FBXL15: variants seen among roughly 807,000 people sequenced by gnomAD.
FBXL15 encodes the protein F-box/LRR-repeat protein 15.
FBXL15 carries 19 observed loss-of-function variants against 23.6 expected under a neutral mutation model. The observed-to-expected ratio is 0.81, with a 90% CI of 0.56 to 1.18. The LOEUF is 1.18. Among genes scored for constraint, FBXL15 ranks in the 50% most tolerant of loss-of-function variants. The pLI, the probability that FBXL15 is intolerant of heterozygous loss-of-function variation, is 0.00. For synonymous variants in FBXL15, 224 were observed against 207.7 expected, an observed-to-expected ratio of 1.08 and a Z score of -0.67; for missense variants, 385 against 425.4, an observed-to-expected ratio of 0.91 and a Z score of 0.83.
rs751176141 is a variant in FBXL15 at position 102,421,990 on chromosome 10, G to A, written c.411G>A (p.Glu137=). The change falls in exon 3 of 4, where the codon GAG becomes GAA. Residue 137 remains glutamate (E), a synonymous_variant. Coordinates refer to ENST00000369956, the MANE Select transcript of FBXL15 (RefSeq NM_024326.4). ...LSRRALGALA[E]GCPRLQRLSL... ...GCCGGGCGCTTGGGGCTTTGGCCGAGGGCTGCCCACGCCTGCAGCGCCTGT... is the reference window on the plus strand; with the variant it reads ...GCCGGGCGCTTGGGGCTTTGGCCGAAGGCTGCCCACGCCTGCAGCGCCTGT... 1.9e-6 allele frequency: 3 copies of A among 1,595,588 alleles called. No individual in the cohort carries two copies. The highest frequency in any genetic ancestry group is 2.2e-5 in the South Asian group (2 of 90,126).
rs564247788 is a variant in FBXL15 at position 102,421,126 on chromosome 10, GCCGATGGAGCCA to G, written c.9_20del (p.ProMetGluPro4_?7). 121 of 1,608,746 alleles carry G rather than the reference GCCGATGGAGCCA, an allele frequency of 7.5e-5. No individual in the cohort carries two copies. Among genetic ancestry groups the G allele is most frequent in the Non-Finnish European group, 8.8e-5 (104 of 1,177,696 alleles). On this transcript the variant is annotated start_lost and 5_prime_UTR_variant, in exon 1 of 4. Coordinates refer to ENST00000369956, the MANE Select transcript of FBXL15 (RefSeq NM_024326.4). ...TCTTACTGCGCACGCGCAATAGACAGCCGATGGAGCCACCGATGGAGCCGTCCGGAGGGGAGC... is the reference window on the plus strand; with the variant it reads ...TCTTACTGCGCACGCGCAATAGACAGCCGATGGAGCCGTCCGGAGGGGAGC...
chr10:102,421,110 G>C lies in FBXL15; in HGVS notation c.-20G>C. ...GGCCAAAGCGAGAAAATCTTACTGCGCACGCGCAATAGACAGCCGATGGAG... is the reference window on the plus strand; with the variant it reads ...GGCCAAAGCGAGAAAATCTTACTGCCCACGCGCAATAGACAGCCGATGGAG... On this transcript the variant is annotated 5_prime_UTR_variant, in exon 1 of 4. Coordinates refer to ENST00000369956, the MANE Select transcript of FBXL15 (RefSeq NM_024326.4). The C allele has an allele frequency of 1.2e-6, 2 of 1,602,534 alleles. No individual in the cohort carries two copies. Among genetic ancestry groups the C allele is most frequent in the Non-Finnish European group, 1.7e-6 (2 of 1,174,372 alleles).
At position 102,421,971 on chromosome 10, in the gene FBXL15, C is replaced by T. The variant is rs761289044; in HGVS notation, c.392C>T (p.Ala131Val). 3.5e-5 allele frequency: 56 copies of T among 1,597,780 alleles called. No homozygotes were observed. The South Asian group carries it at 5.5e-4, about 16-fold the overall frequency. ...LGGCGQLSRR[A>V]LGALAEGCPR... ...GGCTGCGGGCAACTGAGTCGCCGGG[C>T]GCTTGGGGCTTTGGCCGAGGGCTGC... The change falls in exon 3 of 4, where the codon GCG becomes GTG. Residue 131 changes from alanine to valine, a missense_variant. By Grantham distance (64) the Ala-to-Val change is moderately conservative. Transcript: ENST00000369956.
Position 102,421,455 on chromosome 10 carries a change from G to A in FBXL15, c.155G>A (p.Arg52Gln). ...LRLQRVSRAF[R>Q]SLVQLHLAGL... ...CTGCAGCGCGTTAGCCGGGCCTTCC[G>A]GTCGCTGGTGCAGCTTCACCTGGCC... is the stretch of plus-strand genomic sequence containing the variant. Residue 52 changes from arginine (R) to glutamine (Q), a missense_variant, in exon 2 of 4, where the codon CGG (arginine) becomes CAG (glutamine). This residue lies in a region of FBXL15 where 130 missense variants were observed against 95.1 expected (regional missense o/e 1.37). Coordinates refer to ENST00000369956, the MANE Select transcript of FBXL15 (RefSeq NM_024326.4). The A allele has an allele frequency of 6.5e-7, 1 of 1,531,578 alleles. No homozygotes were observed. Among genetic ancestry groups the A allele is most frequent in the South Asian group, 1.2e-5 (1 of 83,156 alleles). The allele number at this position is 1,531,578 out of a possible 1,614,324, so 94.9% of individuals were successfully genotyped here. A position where few individuals can be genotyped will look rare whatever the true frequency, so the allele number is the denominator to read the frequency against.
rs1336280683 is a variant in FBXL15, at chr10:102,422,110, C to T, written c.531C>T (p.Arg177=). ...AGGAGCTGGATCTCACCGCCTGCCG[C>T]CAGCTCAAGGACGAGGCCATCGTGT... ...ALEELDLTAC[R]QLKDEAIVYL... The change falls in exon 3 of 4, where the codon CGC becomes CGT. Residue 177 remains arginine, a synonymous_variant. Transcript: ENST00000369956. 6.4e-7 allele frequency: 1 copy of T among 1,564,292 alleles called. No individual in the cohort carries two copies. Among genetic ancestry groups the T allele is most frequent in the South Asian group, 1.2e-5 (1 of 85,844 alleles).
Position 102,422,017 on chromosome 10 carries a change from G to C in FBXL15, c.438G>C (p.Ser146=), listed in dbSNP as rs780028891. 9.4e-6 allele frequency: 15 copies of C among 1,595,240 alleles called. 1 individual carries two copies. In the South Asian group the frequency reaches 1.7e-4, roughly 18 times the overall value. ...AEGCPRLQRL[S]LAHCDWVDGL... is the part of the protein sequence containing the mutation. ...GCTGCCCACGCCTGCAGCGCCTGTC[G>C]CTCGCGCACTGTGACTGGGTGGACG... Residue 146 remains serine (S), a synonymous_variant, in exon 3 of 4, where the codon TCG becomes TCC. Coordinates refer to ENST00000369956, the MANE Select transcript of FBXL15 (RefSeq NM_024326.4).
Position 102,420,911 on chromosome 10 carries a change from C to T in FBXL15, c.-219C>T. 7.0e-7 allele frequency: 1 copy of T among 1,428,208 alleles called. No homozygotes were observed. Among genetic ancestry groups the T allele is most frequent in the Non-Finnish European group, 9.2e-7 (1 of 1,090,348 alleles). The allele number at this position is 1,428,208 out of a possible 1,614,324, so 88.5% of individuals were successfully genotyped here. On this transcript the variant is annotated 5_prime_UTR_variant, in exon 1 of 4. Coordinates refer to ENST00000369956, the MANE Select transcript of FBXL15 (RefSeq NM_024326.4). ...GCCCACCGCATTCTCCAGCTTCAGGCCTCAAGCCCTGTAGCCGAGAAGGCG... is the reference window on the plus strand; with the variant it reads ...GCCCACCGCATTCTCCAGCTTCAGGTCTCAAGCCCTGTAGCCGAGAAGGCG...
chr10:102,420,846 G>A lies in FBXL15; in HGVS notation c.-284G>A. On this transcript the variant is annotated 5_prime_UTR_variant, in exon 1 of 4. Transcript: ENST00000369956. ...TCCCACCACCACTTCGCTCAGAGGC[G>A]GCTACTGGCTCAAGAGGACGACAGA... is the stretch of plus-strand genomic sequence containing the variant. 2.3e-6 allele frequency: 3 copies of A among 1,317,952 alleles called. No homozygotes were observed. Among genetic ancestry groups the A allele is most frequent in the Non-Finnish European group, 1.9e-6 (2 of 1,029,712 alleles). The allele number at this position is 1,317,952 out of a possible 1,614,324, so 81.6% of individuals were successfully genotyped here. A position where few individuals can be genotyped will look rare whatever the true frequency, so the allele number is the denominator to read the frequency against.
Position 102,421,127 on chromosome 10 carries a change from C to A in FBXL15, c.-3C>A. The stretch of plus-strand genomic sequence containing the variant: ...CTTACTGCGCACGCGCAATAGACAG[C>A]CGATGGAGCCACCGATGGAGCCGTC... On this transcript the variant is annotated 5_prime_UTR_variant, in exon 1 of 4. Coordinates refer to ENST00000369956, the MANE Select transcript of FBXL15 (RefSeq NM_024326.4). 1 of 1,608,526 alleles carries A rather than the reference C, an allele frequency of 6.2e-7. No homozygotes were observed. Among genetic ancestry groups the A allele is most frequent in the Non-Finnish European group, 8.5e-7 (1 of 1,177,452 alleles).
chr10:102,421,485 T>A lies in FBXL15; in HGVS notation c.185T>A (p.Leu62Gln). Residue 62 changes from leucine to glutamine, a missense_variant, in exon 2 of 4, where the codon CTG (leucine) becomes CAG (glutamine). By Grantham distance (113) the Leu-to-Gln change is moderately radical. Coordinates refer to ENST00000369956, the MANE Select transcript of FBXL15 (RefSeq NM_024326.4). The stretch of plus-strand genomic sequence containing the variant: ...CTGGTGCAGCTTCACCTGGCCGGGC[T>A]GCGTCGCTTCGATGCCGCGCAGGTG... Reference protein sequence around the residue: ...RSLVQLHLAGLRRFDAAQVGP... With the variant: ...RSLVQLHLAGQRRFDAAQVGP... 1 of 1,486,920 alleles carries A rather than the reference T, an allele frequency of 6.7e-7. No homozygotes were observed. Among genetic ancestry groups the A allele is most frequent in the Non-Finnish European group, 8.9e-7 (1 of 1,120,934 alleles). 92.1% of individuals were successfully genotyped at this position (1,486,920 alleles called of 1,614,324 possible).
At chr10:102,422,539 C>T (rs940012841) in intron 3 of FBXL15, among the ~76,000 whole-genome samples, 11 of 152,310 alleles carry the variant, frequency 7.2e-5, no homozygotes, top group African/African-American at 2.6e-4. Context: ...GGCTTTTCTT[C>T]AACAAGGGGG....
Position 102,421,377 on chromosome 10 carries a change from A to G in FBXL15, c.77A>G (p.Asp26Gly). The G allele has an allele frequency of 6.4e-7, 1 of 1,563,530 alleles. No individual in the cohort carries two copies. Reference protein sequence around the residue: ...AVRFLDLPWEDVLLPHVLNRV... With the variant: ...AVRFLDLPWEGVLLPHVLNRV... The stretch of plus-strand genomic sequence containing the variant: ...AGGTTCCTGGACCTGCCCTGGGAAG[A>G]CGTGCTGCTCCCACACGTCCTGAAC... Residue 26 changes from aspartate to glycine, a missense_variant, in exon 2 of 4, where the codon GAC (aspartate) becomes GGC (glycine). Asp to Gly is a moderately conservative substitution (Grantham distance 94). Around this residue, in one of 2 missense-constraint regions of FBXL15, gnomAD observed 130 missense variants for 95.1 expected, o/e 1.37. Coordinates refer to ENST00000369956, the MANE Select transcript of FBXL15 (RefSeq NM_024326.4).
chr10:102,421,334 C>T lies in FBXL15; in HGVS notation c.54-20C>T. 2.6e-6 allele frequency: 4 copies of T among 1,553,490 alleles called. No individual in the cohort carries two copies. The South Asian group carries it at 4.8e-5, about 19-fold the overall frequency. ...AATAGTGGCCCCGGGACGCCAGTGC[C>T]AACGCCCCTTTACTCGCAGGTTCCT... On this transcript the variant is annotated intron_variant, in intron 1 of 3. Transcript: ENST00000369956.
intron 3 of FBXL15, 123 bp downstream of exon 3, chr10:102,422,415 C>T: frequency 1.6e-6 from 2 of 1,227,992 alleles, no homozygotes; most frequent in Non-Finnish European, 2.1e-6. Flanking sequence ...ACAGCACCCC[C>T]ATTCTGAACA....
Position 102,421,964 on chromosome 10 carries a change from C to G in FBXL15, c.385C>G (p.Arg129Gly). 1.9e-6 allele frequency: 3 copies of G among 1,598,928 alleles called. No homozygotes were observed. Among genetic ancestry groups the G allele is most frequent in the Non-Finnish European group, 2.5e-6 (3 of 1,178,004 alleles). Reference protein sequence around the residue: ...VALGGCGQLSRRALGALAEGC... With the variant: ...VALGGCGQLSGRALGALAEGC... Reference sequence around the variant, plus strand: ...GTTGGGCGGCTGCGGGCAACTGAGTCGCCGGGCGCTTGGGGCTTTGGCCGA... The same window carrying G: ...GTTGGGCGGCTGCGGGCAACTGAGTGGCCGGGCGCTTGGGGCTTTGGCCGA... Residue 129 changes from arginine (R) to glycine (G), a missense_variant, in exon 3 of 4, where the codon CGC becomes GGC. Transcript: ENST00000369956.
Position 102,423,058 on chromosome 10 carries a change from A to G in FBXL15, c.*65A>G. On this transcript the variant is annotated 3_prime_UTR_variant, in exon 4 of 4. Transcript: ENST00000369956. The surrounding 1 kb of genome is among the most constrained non-coding windows in gnomAD (Gnocchi z 5.6). Reference sequence around the variant, plus strand: ...GGGCCTGACACTGAGCTGTAGGGAAACTGAACTGTGAGGACCTCTGGTGAG... The same window carrying G: ...GGGCCTGACACTGAGCTGTAGGGAAGCTGAACTGTGAGGACCTCTGGTGAG... 1.4e-6 allele frequency: 2 copies of G among 1,455,354 alleles called. No individual in the cohort carries two copies. Among genetic ancestry groups the G allele is most frequent in the Non-Finnish European group, 1.8e-6 (2 of 1,090,142 alleles). The allele number at this position is 1,455,354 out of a possible 1,614,324, so 90.2% of individuals were successfully genotyped here.
chr10:102,422,293 G>A lies in FBXL15; in HGVS notation c.713+1G>A. On this transcript the variant is annotated splice_donor_variant, in intron 3 of 3. Coordinates refer to ENST00000369956, the MANE Select transcript of FBXL15 (RefSeq NM_024326.4). LOFTEE classifies it high-confidence loss of function. ...TCCGCGTCGGAAGCGACGGTGTCAG[G>A]TGCCTGGGCCTGATAGGGCGGGAGG... 3 of 1,497,880 alleles carry A rather than the reference G, an allele frequency of 2.0e-6. No homozygotes were observed. The highest frequency in any genetic ancestry group is 2.7e-5 in the South Asian group (2 of 72,794). The allele number at this position is 1,497,880 out of a possible 1,614,324, so 92.8% of individuals were successfully genotyped here. A position where few individuals can be genotyped will look rare whatever the true frequency, so the allele number is the denominator to read the frequency against.
rs145688904 is a variant in FBXL15, at chr10:102,422,904, G to A, written c.814G>A (p.Asp272Asn). 6 of 1,608,678 alleles carry A rather than the reference G, an allele frequency of 3.7e-6. No homozygotes were observed. Among genetic ancestry groups the A allele is most frequent in the Middle Eastern group, 1.8e-4 (1 of 5,670 alleles). ...GAGCCGCTTGCGGAAGCGCGGCGTG[G>A]ACATCGACGTGGAGCCGCCGCTGCA... ...SLSRLRKRGV[D>N]IDVEPPLHQA... The change falls in exon 4 of 4, where the codon GAC (aspartate) becomes AAC (asparagine). Residue 272 changes from aspartate to asparagine, a missense_variant. Physicochemically the swap from Asp to Asn is conservative, Grantham distance 23 (BLOSUM62 1). Around this residue, in one of 2 missense-constraint regions of FBXL15, gnomAD observed 255 missense variants for 330.2 expected, o/e 0.77. Transcript: ENST00000369956.
intron 3 of FBXL15, 36 bp from the exon 4 acceptor site, chr10:102,422,768 C>T: frequency 6.4e-7 from 1 of 1,573,310 alleles, no homozygotes; most frequent in Non-Finnish European, 8.6e-7. Context: ...GGTGTGGTGG[C>T]CTCATGTCCC....
Sources: gnomAD v4.1 joint callset for allele counts (sites outside exome capture counted in the v4.1 genomes callset) on GRCh38, gnomAD v4.1.1 for gene constraint, gnomAD v4.1.1 regional missense constraint, Gnocchi (gnomAD v3.1) non-coding constraint, MANE v1.5 for transcripts, NCBI Gene and HGNC (gene_info 2026-07-23, HGNC 2026-07-21) for gene names.